The following PROSER3 variants were observed in gnomAD, a reference collection of about 807,000 sequenced individuals.
PROSER3 encodes the protein proline and serine rich 3.
A neutral mutation model predicts 50.2 loss-of-function variants in PROSER3; 33 were observed. The ratio of observed to expected loss-of-function variants is 0.66; its 90% CI spans 0.50 to 0.88. The LOEUF is 0.88. Ranked by LOEUF, PROSER3 falls within the 40% of genes least tolerant of loss-of-function variation. PROSER3 has a pLI of 0.00. For synonymous variants in PROSER3, 266 were observed against 259.3 expected (o/e 1.03, Z -0.25); for missense variants, 623 against 612.7 (o/e 1.02, Z -0.18).
exon 3 of PROSER3, chr19:35,759,980 C>A: frequency 1.3e-6 from 2 of 1,591,606 alleles, no homozygotes; most frequent in Non-Finnish European, 1.7e-6. Context: ...GCGGGGACTC[C>A]GTGGTGGCCA....
intron 7 of PROSER3, among the ~76,000 whole-genome samples, chr19:35,766,095 G>A (rs1287846112): frequency 6.6e-6 from 1 of 152,144 alleles, no homozygotes; most frequent in Non-Finnish European, 1.5e-5. Flanking sequence ...TTGGAGGAGA[G>A]TAGAGAGACC....
chr19:35,762,585 G>C (rs1278502101), intron 5 of PROSER3: 1 of 514,484 alleles, frequency 1.9e-6, no homozygotes, highest in Non-Finnish European at 3.5e-6. Flanking sequence ...AGAGAACCAG[G>C]TGTGGTGGTA....
rs1307310384 is a variant in PROSER3, at chr19:35,762,008, G to A, written c.312-11G>A. The A allele has an allele frequency of 1.3e-6, 2 of 1,583,560 alleles. No homozygotes were observed. Among genetic ancestry groups the A allele is most frequent in the Non-Finnish European group, 1.7e-6 (2 of 1,158,234 alleles). On this transcript the variant is annotated splice_polypyrimidine_tract_variant and intron_variant, in intron 3 of 10. Transcript: ENST00000396908. ...TCACTCCACTCACCTCCTATCCCCT[G>A]ATGTTCACAGGTATATAAACAGGTT...
intron 3 of PROSER3, among the ~76,000 whole-genome samples, chr19:35,760,244 G>A (rs1478926443): frequency 2.0e-5 from 3 of 152,024 alleles, no homozygotes; most frequent in Non-Finnish European, 4.4e-5. Context: ...TAGAGACAGG[G>A]TCTCGCTCTG....
chr19:35,763,388 T>A (rs1208202255), intron 5 of PROSER3, among the ~76,000 whole-genome samples: 1 of 151,020 alleles, frequency 6.6e-6, no homozygotes, highest in Non-Finnish European at 1.5e-5. Context: ...ATTTTTTTAG[T>A]AGAGATGGGA....
chr19:35,767,901 A>G (rs1300593729), exon 9 of PROSER3: 2 of 1,612,994 alleles, frequency 1.2e-6, no homozygotes, highest in Non-Finnish European at 1.7e-6. Flanking sequence ...CTGCAGCCCG[A>G]GGTCCCACTC....
intron 5 of PROSER3, 59 bp from the exon 6 acceptor site, chr19:35,764,795 G>T (rs1366531524): frequency 2.0e-6 from 3 of 1,481,820 alleles, no homozygotes; most frequent in Non-Finnish European, 2.8e-6. Context: ...CCTCTGTTTA[G>T]AACCCCCTTC....
At chr19:35,767,935 A>G in exon 9 of PROSER3, 1 of 1,612,110 alleles carries the variant, frequency 6.2e-7, no homozygotes, top group Non-Finnish European at 8.5e-7. Flanking sequence ...AGGCAACCAC[A>G]GTCAAGGCCT....
At chr19:35,762,077 G>A in exon 4 of PROSER3, 1 of 1,611,788 alleles carries the variant, frequency 6.2e-7, no homozygotes, top group East Asian at 2.2e-5. Flanking sequence ...CCAGCCTGCA[G>A]GCCCAACCCC....
intron 1 of PROSER3, 197 bp downstream of exon 1, chr19:35,758,423 C>G: frequency 1.8e-6 from 1 of 565,476 alleles, no homozygotes; most frequent in Non-Finnish European, 2.9e-6. Flanking sequence ...CCCTAAGAGT[C>G]TTATGTTCCT....
exon 8 of PROSER3, chr19:35,766,913 C>G (rs755425397): frequency 6.4e-7 from 1 of 1,554,424 alleles, no homozygotes; most frequent in Non-Finnish European, 8.7e-7. Context: ...GCAAGGGTGA[C>G]AGAGCTTGGG....
intron 7 of PROSER3, 35 bp downstream of exon 7, chr19:35,765,211 G>A (rs1319499103): frequency 6.2e-7 from 1 of 1,602,776 alleles, no homozygotes; most frequent in East Asian, 2.2e-5. Context: ...AGGGCAGCCT[G>A]GGTGCAAATC....
chr19:35,766,525 CAAG>C (rs1971146238), intron 7 of PROSER3, among the ~76,000 whole-genome samples: 1 of 152,058 alleles, frequency 6.6e-6, no homozygotes, highest in African/African-American at 2.4e-5. Context: ...GGTGACAGAA[CAAG>C]ACTATATATA....
chr19:35,768,025 C>G, exon 9 of PROSER3: 1 of 1,583,332 alleles, frequency 6.3e-7, no homozygotes, highest in Non-Finnish European at 8.6e-7. Flanking sequence ...CCTCGGAGGC[C>G]CTGCTTGCCC....
chr19:35,762,476 A>C, intron 5 of PROSER3, 120 bp downstream of exon 5: 1 of 927,498 alleles, frequency 1.1e-6, no homozygotes, highest in South Asian at 1.6e-5. Context: ...TGGGAGGCCA[A>C]GGTGAGAGGA....
At chr19:35,769,610 C>G (rs554983358), downstream of PROSER3, 99 of 152,586 alleles carry the variant, frequency 6.5e-4, no homozygotes, top group African/African-American at 2.3e-3. Flanking sequence ...TGGGCCCCCC[C>G]TCCCCAACTT....
exon 7 of PROSER3, chr19:35,765,044 A>G: frequency 6.2e-7 from 1 of 1,612,870 alleles, no homozygotes; most frequent in South Asian, 1.1e-5. Flanking sequence ...CAAAGCCTCC[A>G]TCTCCTCCTC....
chr19:35,759,266 TC>T lies in PROSER3; in HGVS notation c.12-106del, dbSNP rs958002703. On this transcript the variant is annotated intron_variant, in intron 1 of 10. Transcript: ENST00000396908. The stretch of plus-strand genomic sequence containing the variant: ...TGCTTCATGGAAATGACAGTCCGTC[TC>T]CTCCAGGAATCTATGGGAATTGTCT... The T allele has an allele frequency of 8.8e-5, 74 of 840,224 alleles. No homozygotes were observed. The African/African-American group carries it at 1.1e-3, about 13-fold the overall frequency. The allele number at this position is 840,224 out of a possible 1,614,324, so 52.0% of individuals were successfully genotyped here.
rs1218750647 is a variant in PROSER3 at position 35,758,272 on chromosome 19, C to T, written c.11+46C>T. The T allele has an allele frequency of 5.2e-6, 8 of 1,552,626 alleles. No homozygotes were observed. The East Asian group carries it at 9.8e-5, about 19-fold the overall frequency. On this transcript the variant is annotated intron_variant, in intron 1 of 10. Coordinates refer to ENST00000396908, the Ensembl canonical transcript of PROSER3. ...AGGGACTACAGGAGGCTGGGGAGGACCAACGGCGAGAGCAGCACAGCCTAG... is the reference window on the plus strand; with the variant it reads ...AGGGACTACAGGAGGCTGGGGAGGATCAACGGCGAGAGCAGCACAGCCTAG...
Sources: gnomAD v4.1 joint callset for allele counts (sites outside exome capture counted in the v4.1 genomes callset) on GRCh38, gnomAD v4.1.1 for gene constraint, MANE v1.5 for transcripts, NCBI Gene and HGNC (gene_info 2026-07-23, HGNC 2026-07-21) for gene names.